Variants in RAB38 observed in about 807,000 individuals in gnomAD.
RAB38 encodes ras-related protein Rab-38.
RAB38 carries 15 observed loss-of-function variants against 18.4 expected under a neutral mutation model. The observed-to-expected ratio is 0.82, with a 90% CI of 0.55 to 1.26. RAB38 has a LOEUF of 1.26. Ranked by LOEUF, RAB38 falls within the 50% of genes most tolerant of loss-of-function variation. The pLI is 0.00. For synonymous variants in RAB38, 101 were observed against 104.4 expected (o/e 0.97, Z 0.20); for missense variants, 294 against 267.4 (o/e 1.10, Z -0.69).
chr11:88,105,301 T>C, the RAB38 span, among the ~76,000 whole-genome samples: 1 of 152,150 alleles, frequency 6.6e-6, no homozygotes, highest in Non-Finnish European at 1.5e-5. Context: ...TCACTTGGAT[T>C]AGCATCTTTT....
the RAB38 span, among the ~76,000 whole-genome samples, chr11:87,963,958 G>T: frequency 2.0e-5 from 3 of 152,078 alleles, no homozygotes; most frequent in African/African-American, 7.2e-5. Flanking sequence ...TGATCTGATG[G>T]AATAAAGTTT....
At chr11:88,015,630 G>A in the RAB38 span, among the ~76,000 whole-genome samples, 2 of 152,118 alleles carry the variant, frequency 1.3e-5, no homozygotes, top group African/African-American at 4.8e-5. Flanking sequence ...TAAGACTCCA[G>A]GAGAGGAAAG....
At chr11:88,076,676 G>A in the RAB38 span, among the ~76,000 whole-genome samples, 3 of 151,854 alleles carry the variant, frequency 2.0e-5, no homozygotes, top group Non-Finnish European at 4.4e-5. Context: ...ATATAGGCTG[G>A]GTGCAGTGGC....
intron 2 of RAB38, chr11:88,115,581 G>C (rs75091900): frequency 5.4e-4 from 83 of 152,318 alleles, no homozygotes; most frequent in African/African-American, 2.0e-3. Context: ...CCTCTCTAGA[G>C]AGCCTTAAAG....
chr11:88,062,792 T>C, the RAB38 span, among the ~76,000 whole-genome samples: 1 of 152,198 alleles, frequency 6.6e-6, no homozygotes, highest in Admixed American at 6.5e-5. Flanking sequence ...AGCATTTGCC[T>C]CAATTTTACA....
the RAB38 span, among the ~76,000 whole-genome samples, chr11:87,968,991 G>A: frequency 2.0e-5 from 3 of 152,120 alleles, no homozygotes; most frequent in East Asian, 1.9e-4. Flanking sequence ...AAGATTAGAC[G>A]TCATCACTAT....
chr11:88,004,233 A>T, the RAB38 span, among the ~76,000 whole-genome samples: 1 of 150,446 alleles, frequency 6.6e-6, no homozygotes, highest in Non-Finnish European at 1.5e-5. Context: ...CAGATTTAAA[A>T]AGTCTTTATT....
the RAB38 span, among the ~76,000 whole-genome samples, chr11:87,941,214 G>GATAGATATAT: frequency 1.3e-3 from 82 of 62,552 alleles, 1 homozygote; most frequent in African/African-American, 6.0e-3. Context: ...AAATATATGA[G>GATAGATATAT]ATATATATAT....
At chr11:87,927,897 C>T in the RAB38 span, among the ~76,000 whole-genome samples, 1 of 151,678 alleles carries the variant, frequency 6.6e-6, no homozygotes, top group Non-Finnish European at 1.5e-5. Context: ...TGAGACCTGT[C>T]TCTACACAAC....
chr11:87,975,239 G>A, the RAB38 span, among the ~76,000 whole-genome samples: 6 of 151,814 alleles, frequency 4.0e-5, no homozygotes, highest in South Asian at 8.3e-4. Flanking sequence ...GTGCATCTGC[G>A]AAGAAACTAC....
the RAB38 span, among the ~76,000 whole-genome samples, chr11:87,840,981 G>A: frequency 2.6e-5 from 4 of 152,116 alleles, no homozygotes. Flanking sequence ...GCCTGTCTAG[G>A]TCAAATCCAA....
chr11:88,061,292 T>C, the RAB38 span, among the ~76,000 whole-genome samples: 3 of 152,192 alleles, frequency 2.0e-5, no homozygotes, highest in African/African-American at 7.2e-5. Context: ...GGATCACAAA[T>C]GGTGAACAGT....
intron 2 of RAB38, among the ~76,000 whole-genome samples, chr11:88,145,148 CT>C (rs879709121): frequency 7.6e-4 from 111 of 146,340 alleles, no homozygotes; most frequent in Middle Eastern, 3.6e-3. Context: ...ATTTATCTCT[CT>C]TTTTTTTTTT....
chr11:87,977,926 G>C, the RAB38 span, among the ~76,000 whole-genome samples: 64 of 96,030 alleles, frequency 6.7e-4, no homozygotes, highest in African/African-American at 2.7e-3. Context: ...AATATGTAGT[G>C]ACACCTTTAT....
At chr11:88,055,988 C>A in the RAB38 span, among the ~76,000 whole-genome samples, 1 of 151,546 alleles carries the variant, frequency 6.6e-6, no homozygotes, top group Admixed American at 6.6e-5. Flanking sequence ...TACTTAGGTG[C>A]CATTTTAGAA....
the RAB38 span, among the ~76,000 whole-genome samples, chr11:87,951,657 G>A: frequency 1.2e-4 from 19 of 152,122 alleles, no homozygotes; most frequent in African/African-American, 4.1e-4. Context: ...TTTGCTAGAG[G>A]TCCACTCCAG....
At chr11:88,157,509 C>T (rs545474094) in intron 1 of RAB38, among the ~76,000 whole-genome samples, 8 of 152,252 alleles carry the variant, frequency 5.3e-5, no homozygotes, top group South Asian at 2.1e-4. Flanking sequence ...CAGACATCTA[C>T]GGAATACTCT....
At chr11:87,904,278 T>C in the RAB38 span, among the ~76,000 whole-genome samples, 2 of 151,866 alleles carry the variant, frequency 1.3e-5, no homozygotes, top group African/African-American at 2.4e-5. Flanking sequence ...GTTTCTGTTA[T>C]TGGCATCTTT....
At chr11:87,885,695 G>A in the RAB38 span, among the ~76,000 whole-genome samples, 1 of 151,990 alleles carries the variant, frequency 6.6e-6, no homozygotes, top group Admixed American at 6.6e-5. Context: ...CAGGAAATGA[G>A]TTTGGGGTAA....
Sources: gnomAD v4.1 joint callset for allele counts (sites outside exome capture counted in the v4.1 genomes callset) on GRCh38, gnomAD v4.1.1 for gene constraint, MANE v1.5 for transcripts, NCBI Gene and HGNC (gene_info 2026-07-23, HGNC 2026-07-21) for gene names.